Variants in RIMS2 observed in about 807,000 individuals in gnomAD.
RIMS2 encodes the protein regulating synaptic membrane exocytosis 2, also known as regulating synaptic membrane exocytosis protein 2.
In RIMS2, 59 loss-of-function variants were observed where a neutral mutation model predicts 174.4. The observed-to-expected ratio is 0.34, with a 90% CI of 0.27 to 0.42. RIMS2 has a LOEUF of 0.42. RIMS2 is among the 10% of genes least tolerant of loss of function. RIMS2 has a pLI of 1.00. For synonymous variants in RIMS2, 606 were observed against 572.5 expected, an observed-to-expected ratio of 1.06 and a Z score of -0.84; for missense variants, 1,620 against 1,666.3, an observed-to-expected ratio of 0.97 and a Z score of 0.48.
intron 1 of RIMS2, among the ~76,000 whole-genome samples, chr8:103,695,606 A>G (rs74837090): frequency 0.12 from 18,805 of 151,664 alleles, 1,268 homozygotes; most frequent in Middle Eastern, 0.22. Context: ...GAATTTCTTC[A>G]ATATGTGTCC....
intron 19 of RIMS2, among the ~76,000 whole-genome samples, chr8:104,178,188 G>A (rs539941134): frequency 1.3e-5 from 2 of 152,290 alleles, no homozygotes; most frequent in South Asian, 2.1e-4. Context: ...GGTGCTGGCA[G>A]GACTACATTC....
chr8:103,930,577 T>C (rs1423390240), intron 11 of RIMS2, among the ~76,000 whole-genome samples: 3 of 152,116 alleles, frequency 2.0e-5, no homozygotes, highest in African/African-American at 7.2e-5. Context: ...CTTCCCTAAT[T>C]ATGGCACAGG....
intron 2 of RIMS2, among the ~76,000 whole-genome samples, chr8:103,706,715 A>T (rs928131202): frequency 3.3e-5 from 5 of 151,930 alleles, no homozygotes; most frequent in African/African-American, 9.7e-5. Flanking sequence ...TGTTTTTAAG[A>T]TCCTTTCTTT....
chr8:104,058,783 G>A lies in RIMS2; in HGVS notation c.3334+44168G>A, dbSNP rs576407922. Among the ~76,000 whole-genome samples, 30 of 152,158 alleles carry A rather than the reference G, an allele frequency of 2.0e-4. No individual in the cohort carries two copies. The East Asian group carries it at 3.3e-3, about 17-fold the overall frequency. On this transcript the variant is annotated intron_variant, in intron 19 of 23. Transcript: ENST00000504942. ...AAGGGATCCAGTTTCAGCTTTCTACGTATGGCTAGCCAATTTTCCCAGCAC... is the reference window on the plus strand; with the variant it reads ...AAGGGATCCAGTTTCAGCTTTCTACATATGGCTAGCCAATTTTCCCAGCAC...
At chr8:103,828,785 C>A (rs2098807153) in intron 3 of RIMS2, among the ~76,000 whole-genome samples, 1 of 152,202 alleles carries the variant, frequency 6.6e-6, no homozygotes. Flanking sequence ...CTGCATATGG[C>A]TAGCCAGTTA....
Position 104,007,929 on chromosome 8 carries a change from A to G in RIMS2, c.3045-5513A>G, listed in dbSNP as rs117629398. Among the ~76,000 whole-genome samples the G allele has an allele frequency of 4.3e-3, 662 of 152,278 alleles. 3 individuals carry two copies. The highest frequency in any genetic ancestry group is 0.01 in the Middle Eastern group (3 of 294). On this transcript the variant is annotated intron_variant, in intron 17 of 23. Transcript: ENST00000504942. The stretch of plus-strand genomic sequence containing the variant: ...CTACTGGCAGCAGGCAACAGTGCAT[A>G]TGAGGGATTTGTATTATACCCATTT...
chr8:103,913,148 T>G (rs2076038499), intron 6 of RIMS2, among the ~76,000 whole-genome samples: 1 of 114,042 alleles, frequency 8.8e-6, no homozygotes, highest in Non-Finnish European at 1.7e-5. Context: ...ATTTTTTTTT[T>G]TTTGTATTTT....
chr8:103,529,712 T>C (rs1239566239), intron 1 of RIMS2, among the ~76,000 whole-genome samples: 1 of 152,218 alleles, frequency 6.6e-6, no homozygotes, highest in Non-Finnish European at 1.5e-5. Flanking sequence ...CCATCTTCCG[T>C]GTCGCTCACG....
chr8:104,097,611 C>CAA (rs61692286), intron 19 of RIMS2, among the ~76,000 whole-genome samples: 1,995 of 134,570 alleles, frequency 0.015, 54 homozygotes, highest in African/African-American at 0.048. Context: ...TAAGCAATAG[C>CAA]AAAAAAAAAA....
chr8:103,706,332 ATGCCACAATTACAG>A (rs2097225202), intron 2 of RIMS2, among the ~76,000 whole-genome samples: 2 of 152,300 alleles, frequency 1.3e-5, no homozygotes, highest in South Asian at 4.1e-4. Flanking sequence ...AAGACACTAC[ATGCCACAATTACAG>A]TTTTAGTGTA....
At chr8:104,097,842 A>G (rs899563703) in intron 19 of RIMS2, among the ~76,000 whole-genome samples, 8 of 152,176 alleles carry the variant, frequency 5.3e-5, no homozygotes, top group African/African-American at 1.7e-4. Context: ...GGCTTTTGCC[A>G]TTACTTTTAA....
At chr8:103,615,411 C>T (rs568073645) in intron 1 of RIMS2, among the ~76,000 whole-genome samples, 13 of 152,028 alleles carry the variant, frequency 8.6e-5, no homozygotes, top group African/African-American at 2.4e-4. Flanking sequence ...CACTAAATGC[C>T]GACATCAAAA....
At chr8:103,555,240 T>C (rs755428969) in intron 1 of RIMS2, among the ~76,000 whole-genome samples, 5 of 152,008 alleles carry the variant, frequency 3.3e-5, no homozygotes, top group Admixed American at 6.6e-5. Flanking sequence ...AGAATACATA[T>C]CAATGGCCAA....
intron 3 of RIMS2, among the ~76,000 whole-genome samples, chr8:103,802,031 G>A (rs75667487): frequency 0.022 from 3,420 of 152,206 alleles, 132 homozygotes; most frequent in African/African-American, 0.077. Flanking sequence ...TTCTTTAGTA[G>A]TAAAATTACA....
chr8:104,104,895 A>AAG (rs1311490791), intron 19 of RIMS2, among the ~76,000 whole-genome samples: 31 of 151,930 alleles, frequency 2.0e-4, no homozygotes, highest in Middle Eastern at 3.2e-3. Context: ...AAAAAAAAAA[A>AAG]AGAGAGAACA....
chr8:103,601,127 A>G (rs1231112761), intron 1 of RIMS2, among the ~76,000 whole-genome samples: 1 of 152,174 alleles, frequency 6.6e-6, no homozygotes, highest in Non-Finnish European at 1.5e-5. Flanking sequence ...TCAGATGCAT[A>G]GTTTGCAAAA....
chr8:103,858,262 C>T (rs2099038855), intron 3 of RIMS2, among the ~76,000 whole-genome samples: 1 of 152,082 alleles, frequency 6.6e-6, no homozygotes, highest in Non-Finnish European at 1.5e-5. Flanking sequence ...TTTTTGGACA[C>T]AGTGAATACT....
chr8:103,623,679 CG>C (rs1393255539), intron 1 of RIMS2, among the ~76,000 whole-genome samples: 1 of 151,392 alleles, frequency 6.6e-6, no homozygotes, highest in Admixed American at 6.6e-5. Flanking sequence ...TTAGTAGAGA[CG>C]GGGTTTCACC....
chr8:104,056,740 G>C (rs1191575887), intron 19 of RIMS2, among the ~76,000 whole-genome samples: 2 of 152,048 alleles, frequency 1.3e-5, no homozygotes, highest in Admixed American at 1.3e-4. Flanking sequence ...AATAAAAACA[G>C]CTGAGCGTGG....
Sources: allele counts gnomAD v4.1 joint callset (sites outside exome capture counted in the v4.1 genomes callset), GRCh38; gene constraint gnomAD v4.1.1; transcripts MANE v1.5; gene names NCBI Gene and HGNC (gene_info 2026-07-23, HGNC 2026-07-21).